Variants in PRAG1 observed in about 807,000 individuals in gnomAD.
PRAG1 encodes the protein inactive tyrosine-protein kinase PRAG1.
In PRAG1, 110 loss-of-function variants were observed where a neutral mutation model predicts 95.6. The ratio of observed to expected loss-of-function variants is 1.15; its 90% CI spans 0.99 to 1.35. The LOEUF (loss-of-function observed/expected upper bound fraction) is 1.35, where lower values mean the gene tolerates loss of function less well. PRAG1 is among the 40% of genes most tolerant of loss of function. The probability of loss-of-function intolerance (pLI) is 0.00; values close to 1 mark genes in which losing one functional copy is unlikely to be tolerated. For synonymous variants in PRAG1, 1,052 were observed against 819.4 expected (o/e 1.28, Z -4.85); for missense variants, 2,554 against 1,864.7 (o/e 1.37, Z -6.81).
At chr8:8,319,642 T>C (rs537039123) in intron 5 of PRAG1, among the ~76,000 whole-genome samples, 1 of 152,166 alleles carries the variant, frequency 6.6e-6, no homozygotes, top group South Asian at 2.1e-4. Flanking sequence ...CCAAAATGTA[T>C]GTAATAAAGG....
intron 4 of PRAG1, among the ~76,000 whole-genome samples, chr8:8,329,581 G>T (rs1284398522): frequency 6.6e-6 from 1 of 152,068 alleles, no homozygotes; most frequent in East Asian, 1.9e-4. Flanking sequence ...GAAGACAAGG[G>T]GTAGAAGGCC....
intron 3 of PRAG1, among the ~76,000 whole-genome samples, chr8:8,362,132 C>T (rs1799863694): frequency 1.3e-5 from 2 of 152,206 alleles, no homozygotes; most frequent in South Asian, 4.1e-4. Flanking sequence ...TCACTCACTT[C>T]GTCCTACCTG....
At chr8:8,364,300 G>A (rs1799937569) in intron 3 of PRAG1, among the ~76,000 whole-genome samples, 1 of 152,082 alleles carries the variant, frequency 6.6e-6, no homozygotes, top group Non-Finnish European at 1.5e-5. Flanking sequence ...TTCTTGCCCT[G>A]CATTTAGCTT....
At chr8:8,322,750 T>G (rs146262502) in intron 5 of PRAG1, among the ~76,000 whole-genome samples, 1 of 152,334 alleles carries the variant, frequency 6.6e-6, no homozygotes, top group East Asian at 1.9e-4. Flanking sequence ...AATCCAGACA[T>G]TCCTTTCTAT....
Position 8,318,864 on chromosome 8 carries a change from C to T in PRAG1, c.3511G>A (p.Ala1171Thr), listed in dbSNP as rs1189675081. 3.4e-6 allele frequency: 2 copies of T among 595,742 alleles called. No homozygotes were observed. The highest frequency in any genetic ancestry group is 4.0e-5 in the African/African-American group (1 of 24,784). The allele number at this position is 595,742 out of a possible 1,614,324, so 36.9% of individuals were successfully genotyped here. The change falls in exon 6 of 6, where the codon GCT becomes ACT. Residue 1171 changes from alanine (A) to threonine (T), a missense_variant. Coordinates refer to ENST00000615670, the MANE Select transcript of PRAG1 (RefSeq NM_001080826.3). The surrounding 1 kb of genome is among the most constrained non-coding windows in gnomAD (Gnocchi z 4.2). ...GPGPAPAPAP[A>T]PAPAAAAPPC... ...GGCGCGGCGGCGGCGGGGGCGGGAG[C>T]CGGGGCGGGGGCGGGGGCGGGCCCG...
chr8:8,344,571 T>C (rs1245729021), intron 3 of PRAG1, among the ~76,000 whole-genome samples: 1 of 152,206 alleles, frequency 6.6e-6, no homozygotes, highest in Non-Finnish European at 1.5e-5. Flanking sequence ...ATTTTATTTT[T>C]AAAAAATCTA....
In PRAG1 at chr8:8,377,573, T is replaced by A. The variant is rs1241103692; in HGVS notation, c.836A>T (p.His279Leu). 5.6e-6 allele frequency: 9 copies of A among 1,610,834 alleles called. No individual in the cohort carries two copies. In the African/African-American group the frequency reaches 9.3e-5, roughly 17 times the overall value. Residue 279 changes from histidine (H) to leucine (L), a missense_variant, in exon 3 of 6, where the codon CAT becomes CTT. His to Leu is a moderately conservative substitution (Grantham distance 99). Transcript: ENST00000615670. ...ASQTAGSRGRHGGRDCSPTCW... is the reference protein window; with the variant it reads ...ASQTAGSRGRLGGRDCSPTCW... ...CGTGGGTGAGCAGTCCCTGCCACCA[T>A]GCCTGCCCCGGGAACCTGCAGTCTG...
At chr8:8,378,510 C>A (rs1052546101) in intron 2 of PRAG1, among the ~76,000 whole-genome samples, 4 of 152,074 alleles carry the variant, frequency 2.6e-5, no homozygotes, top group African/African-American at 4.8e-5. Context: ...TTTTTGATAA[C>A]CCAATCACAG....
At chr8:8,338,486 G>A (rs1163995727) in intron 4 of PRAG1, among the ~76,000 whole-genome samples, 1 of 152,172 alleles carries the variant, frequency 6.6e-6, no homozygotes, top group Admixed American at 6.5e-5. Flanking sequence ...TATACAATGG[G>A]CTGGGAAAAG....
intron 4 of PRAG1, among the ~76,000 whole-genome samples, chr8:8,337,619 C>A (rs1028358835): frequency 2.0e-5 from 3 of 152,130 alleles, no homozygotes; most frequent in African/African-American, 7.2e-5. Flanking sequence ...AGTCCAGGGA[C>A]AAGGTACATA....
intron 3 of PRAG1, among the ~76,000 whole-genome samples, chr8:8,350,352 C>T (rs945689216): frequency 6.6e-6 from 1 of 152,202 alleles, no homozygotes; most frequent in Non-Finnish European, 1.5e-5. Flanking sequence ...CCCCTGTACA[C>T]TACACTTTCA....
Position 8,318,496 on chromosome 8 carries a change from C to T in PRAG1, c.3879G>A (p.Leu1293=), listed in dbSNP as rs772135974. ...GCTGCAGGCCGGGTGAGTAGAGGGA[C>T]AGCGCGGGCAGCGGCGGCAGGTCCT... ...RQEDLPPLPA[L]SLYSPGLQQL... is the part of the protein sequence containing the mutation. The change falls in exon 6 of 6, where the codon CTG becomes CTA. Residue 1293 remains leucine (L), a synonymous_variant. Transcript: ENST00000615670. This position sits in a 1 kb window ranked among gnomAD's most constrained non-coding sequence, Gnocchi z 4.2. 77 of 1,612,062 alleles carry T rather than the reference C, an allele frequency of 4.8e-5. No homozygotes were observed. The highest frequency in any genetic ancestry group is 6.3e-5 in the Non-Finnish European group (74 of 1,179,698).
In PRAG1 at chr8:8,378,085, A is replaced by T; in HGVS notation, c.331-7T>A. ...GGGCTCGTCTCCAGATGACCTACAC[A>T]CAAGCCCAACGCAAAAAGACTTATA... On this transcript the variant is annotated splice_polypyrimidine_tract_variant and splice_region_variant and intron_variant, in intron 2 of 5. Coordinates refer to ENST00000615670, the MANE Select transcript of PRAG1 (RefSeq NM_001080826.3). 1 of 1,518,478 alleles carries T rather than the reference A, an allele frequency of 6.6e-7. No individual in the cohort carries two copies. The highest frequency in any genetic ancestry group is 1.3e-5 in the South Asian group (1 of 75,684). 94.1% of individuals were successfully genotyped at this position (1,518,478 alleles called of 1,614,324 possible).
At chr8:8,356,718 A>G (rs1799693677) in intron 3 of PRAG1, among the ~76,000 whole-genome samples, 1 of 152,168 alleles carries the variant, frequency 6.6e-6, no homozygotes, top group Non-Finnish European at 1.5e-5. Flanking sequence ...ACCTCAACAT[A>G]TCCTAATAGC....
rs575868294 is a variant in PRAG1 at position 8,386,320 on chromosome 8, C to T, written c.-88+1G>A. The T allele has an allele frequency of 3.3e-5, 5 of 152,418 alleles. No homozygotes were observed. The East Asian group carries it at 9.7e-4, about 29-fold the overall frequency. 9.4% of individuals were successfully genotyped at this position (152,418 alleles called of 1,614,324 possible). The stretch of plus-strand genomic sequence containing the variant: ...ATTTGGAGAGCGCGTCGCGGGCTCA[C>T]CTCTGGGCTGCGCTCCCCCGGCCCC... On this transcript the variant is annotated splice_donor_variant, in intron 1 of 5. Coordinates refer to ENST00000615670, the MANE Select transcript of PRAG1 (RefSeq NM_001080826.3). LOFTEE classifies it low-confidence loss of function (5UTR_SPLICE).
At position 8,381,479 on chromosome 8, in the gene PRAG1, A is replaced by C. The variant is rs764511944; in HGVS notation, c.269T>G (p.Met90Arg). The change falls in exon 2 of 6, where the codon ATG (methionine) becomes AGG (arginine). Residue 90 changes from methionine to arginine, a missense_variant. Met to Arg is a moderately conservative substitution (Grantham distance 91). Coordinates refer to ENST00000615670, the MANE Select transcript of PRAG1 (RefSeq NM_001080826.3). ...CACATCAGAGGCCTCGGAGCTCATCATGGTGGGCTTCACGGCAATTGTGGG... is the reference window on the plus strand; with the variant it reads ...CACATCAGAGGCCTCGGAGCTCATCCTGGTGGGCTTCACGGCAATTGTGGG... ...SKPTIAVKPT[M>R]MSSEASDVWT... 2 of 1,614,226 alleles carry C rather than the reference A, an allele frequency of 1.2e-6. No homozygotes were observed. The highest frequency in any genetic ancestry group is 4.5e-5 in the East Asian group (2 of 44,886).
chr8:8,336,856 G>T (rs1402828124), intron 4 of PRAG1, among the ~76,000 whole-genome samples: 1 of 151,156 alleles, frequency 6.6e-6, no homozygotes, highest in African/African-American at 2.4e-5. Context: ...TTCTATTAGG[G>T]TTTTCCTTAT....
chr8:8,384,171 A>C (rs1800773167), intron 1 of PRAG1, among the ~76,000 whole-genome samples: 1 of 152,144 alleles, frequency 6.6e-6, no homozygotes, highest in Admixed American at 6.5e-5. Context: ...TCACAGATTC[A>C]CAAAGCAGCA....
intron 4 of PRAG1, among the ~76,000 whole-genome samples, chr8:8,333,183 T>C (rs1585228139): frequency 6.6e-6 from 1 of 152,164 alleles, no homozygotes; most frequent in African/African-American, 2.4e-5. Context: ...GGGGAGAACA[T>C]TTTTCTGGGA....
Sources: gnomAD v4.1 joint callset for allele counts (sites outside exome capture counted in the v4.1 genomes callset) on GRCh38, gnomAD v4.1.1 for gene constraint, Gnocchi (gnomAD v3.1) non-coding constraint, MANE v1.5 for transcripts, NCBI Gene and HGNC (gene_info 2026-07-23, HGNC 2026-07-21) for gene names.